Variants in LCN10 observed in about 807,000 individuals in gnomAD.
The protein encoded by LCN10 is lipocalin 10.
LCN10 carries 18 observed loss-of-function variants against 25.1 expected under a neutral mutation model. The ratio of observed to expected loss-of-function variants is 0.72; its 90% CI spans 0.50 to 1.06. The LOEUF is 1.06. LCN10 is among the 50% of genes least tolerant of loss of function. The pLI is 0.00. For missense variants in LCN10, 257 were observed against 258.9 expected, an observed-to-expected ratio of 0.99 and a Z score of 0.05; for synonymous variants, 130 against 116.7, an observed-to-expected ratio of 1.11 and a Z score of -0.73.
Position 136,741,264 on chromosome 9 carries a change from C to G in LCN10, c.355G>C (p.Gly119Arg). 6.2e-7 allele frequency: 1 copy of G among 1,613,474 alleles called. No homozygotes were observed. Among genetic ancestry groups the G allele is most frequent in the South Asian group, 1.1e-5 (1 of 91,074 alleles). ...ACAYAAGPRE[G>R]QEGVKGVKAF... ...AGCCCAAGCACACCTCCCTCCTGTC[C>G]TTCCCTCGGGCCCGCCGCGTATGCA... The change falls in exon 3 of 6, where the codon GGA (glycine) becomes CGA (arginine). Residue 119 changes from glycine (G) to arginine (R), a missense_variant. Gly to Arg is a moderately radical substitution (Grantham distance 125). Transcript: ENST00000497771.
chr9:136,741,001 C>A, intron 3 of LCN10, 58 bp from the exon 4 acceptor site: 5 of 1,446,998 alleles, frequency 3.5e-6, no homozygotes, highest in Non-Finnish European at 4.8e-6. Flanking sequence ...TGTGCCCGCC[C>A]ACAGCCCTGA....
At chr9:136,741,751 G>GA (rs1846940463) in intron 2 of LCN10, 130 bp downstream of exon 2, 2 of 1,273,044 alleles carry the variant, frequency 1.6e-6, no homozygotes, top group Admixed American at 5.3e-5. Context: ...AGTTTAGGGG[G>GA]AGGAAGTGGG....
In LCN10 at chr9:136,740,872, G is replaced by A. The variant is rs987408653; in HGVS notation, c.439C>T (p.Arg147Cys). Residue 147 changes from arginine to cysteine, a missense_variant, in exon 4 of 6, where the codon CGT becomes TGT. Arg to Cys is a radical substitution (Grantham distance 180). Coordinates refer to ENST00000497771, the MANE Select transcript of LCN10 (RefSeq NM_001001712.3). The surrounding 1 kb of genome is among the most constrained non-coding windows in gnomAD (Gnocchi z 5.3). ...AGGTTCTTGTAGTTTTGGGTTGCACGCCCCAGGCGGAGGTAGACCAAGCCG... is the reference window on the plus strand; with the variant it reads ...AGGTTCTTGTAGTTTTGGGTTGCACACCCCAGGCGGAGGTAGACCAAGCCG... ...SYGLVYLRLG[R>C]ATQNYKNLLL... The A allele has an allele frequency of 8.1e-6, 13 of 1,613,396 alleles. No homozygotes were observed. The highest frequency in any genetic ancestry group is 2.2e-5 in the East Asian group (1 of 44,898).
In LCN10 at chr9:136,742,153, C is replaced by T. The variant is rs575303937; in HGVS notation, c.118-133G>A. On this transcript the variant is annotated intron_variant, in intron 1 of 5. Coordinates refer to ENST00000497771, the MANE Select transcript of LCN10 (RefSeq NM_001001712.3). Reference sequence around the variant, plus strand: ...CGGAGTCCCAGCTCCGCCCAGGTGCCGCCTCGGTCCCGGCCACTCAAGCCC... The same window carrying T: ...CGGAGTCCCAGCTCCGCCCAGGTGCTGCCTCGGTCCCGGCCACTCAAGCCC... The T allele has an allele frequency of 1.7e-4, 194 of 1,166,950 alleles. 1 individual carries two copies. The South Asian group carries it at 1.8e-3, about 11-fold the overall frequency. 72.3% of individuals were successfully genotyped at this position (1,166,950 alleles called of 1,614,324 possible).
At chr9:136,742,158 C>G in intron 1 of LCN10, 138 bp from the exon 2 acceptor site, 4 of 1,100,848 alleles carry the variant, frequency 3.6e-6, no homozygotes, top group Non-Finnish European at 5.1e-6. Context: ...GGTGCCGCCT[C>G]GGTCCCGGCC....
Position 136,741,938 on chromosome 9 carries a change from G to A in LCN10, c.200C>T (p.Ala67Val), listed in dbSNP as rs772048259. 8.1e-6 allele frequency: 13 copies of A among 1,611,406 alleles called. No homozygotes were observed. In the East Asian group the frequency reaches 8.9e-5, roughly 11 times the overall value. Residue 67 changes from alanine to valine, a missense_variant, in exon 2 of 6, where the codon GCG becomes GTG. Transcript: ENST00000497771. The stretch of plus-strand genomic sequence containing the variant: ...CACTTTGTTCACCTTTACCACGGAC[G>A]CCCCCAGCTTCCTCTTGTCCCTGGC... ...LPARDKRKLGASVVKVNKVGQ... is the reference protein window; with the variant it reads ...LPARDKRKLGVSVVKVNKVGQ...
intron 2 of LCN10, 165 bp downstream of exon 2, chr9:136,741,716 C>T: frequency 1.0e-6 from 1 of 981,940 alleles, no homozygotes; most frequent in South Asian, 1.7e-5. Flanking sequence ...TGTGGGGTCC[C>T]AGGGGCTGCA....
At chr9:136,742,215 C>T (rs1345639105) in intron 1 of LCN10, 195 bp from the exon 2 acceptor site, 12 of 669,568 alleles carry the variant, frequency 1.8e-5, no homozygotes, top group East Asian at 5.7e-5. Flanking sequence ...AGCAGGTGCC[C>T]GGCTGGTCAG....
chr9:136,741,868 G>C lies in LCN10; in HGVS notation c.257+13C>G, dbSNP rs748271493. On this transcript the variant is annotated intron_variant, in intron 2 of 5. Coordinates refer to ENST00000497771, the MANE Select transcript of LCN10 (RefSeq NM_001001712.3). ...AAGGGGAGACCCTTGCCTGGGGGGC[G>C]CTGCCCACTCACCGTCTGAAGGCGA... 2 of 1,595,264 alleles carry C rather than the reference G, an allele frequency of 1.3e-6. No individual in the cohort carries two copies. Among genetic ancestry groups the C allele is most frequent in the South Asian group, 2.3e-5 (2 of 87,894 alleles).
Position 136,739,348 on chromosome 9 carries a change from C to T in LCN10, c.*177G>A, listed in dbSNP as rs1846884286. The T allele has an allele frequency of 3.0e-6, 2 of 656,216 alleles. No homozygotes were observed. The highest frequency in any genetic ancestry group is 1.8e-5 in the South Asian group (1 of 55,030). 40.6% of individuals were successfully genotyped at this position (656,216 alleles called of 1,614,324 possible). A position where few individuals can be genotyped will look rare whatever the true frequency, so the allele number is the denominator to read the frequency against. On this transcript the variant is annotated 3_prime_UTR_variant, in exon 6 of 6. Coordinates refer to ENST00000497771, the MANE Select transcript of LCN10 (RefSeq NM_001001712.3). This position sits in a 1 kb window ranked among gnomAD's most constrained non-coding sequence, Gnocchi z 6.1. ...ACCCGGTCAGCCTGTATCCTCCTTC[C>T]CCCATCTTTCTGTGATCATAAAGGA...
In LCN10 at chr9:136,738,371, T is replaced by C. The variant is rs1332092564; in HGVS notation, c.*1154A>G. On this transcript the variant is annotated 3_prime_UTR_variant, in exon 6 of 6. Coordinates refer to ENST00000497771, the MANE Select transcript of LCN10 (RefSeq NM_001001712.3). Reference sequence around the variant, plus strand: ...TAAGCTTCAGGAGGAGTCATGAATATTCATGAAAGGAGAAGCGTGTACTGG... The same window carrying C: ...TAAGCTTCAGGAGGAGTCATGAATACTCATGAAAGGAGAAGCGTGTACTGG... The C allele has an allele frequency of 6.6e-6, 1 of 152,122 alleles. No individual in the cohort carries two copies. The highest frequency in any genetic ancestry group is 2.4e-5 in the African/African-American group (1 of 41,418). 9.4% of individuals were successfully genotyped at this position (152,122 alleles called of 1,614,324 possible).
chr9:136,741,852 C>A (rs370750090), intron 2 of LCN10, 29 bp downstream of exon 2: 5 of 1,582,050 alleles, frequency 3.2e-6, no homozygotes, highest in Non-Finnish European at 4.3e-6. Flanking sequence ...GAAGGGGAGA[C>A]CCTTGCCTGG....
At position 136,740,268 on chromosome 9, in the gene LCN10, C is replaced by A. The variant is rs1299370805; in HGVS notation, c.476-220G>T. ...GGTCACCACGCTGTCACCTGGGGAA[C>A]CCTCTCTGCCTGCAGAGTCCCCTCC... On this transcript the variant is annotated intron_variant, in intron 4 of 5. Transcript: ENST00000497771. The surrounding 1 kb of genome is among the most constrained non-coding windows in gnomAD (Gnocchi z 5.3). The A allele has an allele frequency of 3.5e-6, 2 of 578,476 alleles. No individual in the cohort carries two copies. The highest frequency in any genetic ancestry group is 5.6e-5 in the Admixed American group (2 of 35,966). The allele number at this position is 578,476 out of a possible 1,614,324, so 35.8% of individuals were successfully genotyped here.
At position 136,740,002 on chromosome 9, in the gene LCN10, G is replaced by A. The variant is rs371640416; in HGVS notation, c.522C>T (p.Asp174=). 1.7e-5 allele frequency: 27 copies of A among 1,590,874 alleles called. 1 individual carries two copies. The highest frequency in any genetic ancestry group is 3.5e-5 in the Admixed American group (2 of 56,660). ...TGGAGAGCCCCAGAATGTCACAAGC[G>A]TCCATGAATTCCTTCAGACTCTGGA... ...SSFQSLKEFM[D]ACDILGLSKA... is the part of the protein sequence containing the mutation. Residue 174 remains aspartate (D), a synonymous_variant, in exon 5 of 6, where the codon GAC becomes GAT. Transcript: ENST00000497771. This position sits in a 1 kb window ranked among gnomAD's most constrained non-coding sequence, Gnocchi z 5.3.
chr9:136,742,164 C>G, intron 1 of LCN10, 144 bp from the exon 2 acceptor site: 3 of 1,052,460 alleles, frequency 2.9e-6, no homozygotes, highest in South Asian at 3.2e-5. Context: ...GCCTCGGTCC[C>G]GGCCACTCAA....
Position 136,742,868 on chromosome 9 carries a change from C to A in LCN10, c.36G>T (p.Leu12=). The A allele has an allele frequency of 6.2e-7, 1 of 1,613,548 alleles. No individual in the cohort carries two copies. Among genetic ancestry groups the A allele is most frequent in the Non-Finnish European group, 8.5e-7 (1 of 1,179,762 alleles). The stretch of plus-strand genomic sequence containing the variant: ...CTGCAGCCAGCACTAGCACCAGCAC[C>A]AGCACCAGCGCCAGCACCAGCAGCC... ...RQGLLVLALV[L]VLVLVLAAGS... The change falls in exon 1 of 6, where the codon CTG becomes CTT. Residue 12 remains leucine, a synonymous_variant. Transcript: ENST00000497771.
Position 136,741,891 on chromosome 9 carries a change from C to G in LCN10, c.247G>C (p.Ala83Pro), listed in dbSNP as rs149777062. The G allele has an allele frequency of 6.2e-6, 10 of 1,606,074 alleles. No individual in the cohort carries two copies. Among genetic ancestry groups the G allele is most frequent in the Admixed American group, 3.4e-5 (2 of 59,104 alleles). ...NKVGQLRVLL[A>P]FRRLKGCQSQ... The stretch of plus-strand genomic sequence containing the variant: ...GCGCTGCCCACTCACCGTCTGAAGG[C>G]GAGGAGCACGCGGAGCTGGCCCACT... Residue 83 changes from alanine to proline, a missense_variant, in exon 2 of 6, where the codon GCC (alanine) becomes CCC (proline). By Grantham distance (27) the Ala-to-Pro change is conservative (BLOSUM62 -1). Coordinates refer to ENST00000497771, the MANE Select transcript of LCN10 (RefSeq NM_001001712.3).
chr9:136,739,757 C>G lies in LCN10; in HGVS notation c.574+193G>C. On this transcript the variant is annotated intron_variant, in intron 5 of 5. Coordinates refer to ENST00000497771, the MANE Select transcript of LCN10 (RefSeq NM_001001712.3). The surrounding 1 kb of genome is among the most constrained non-coding windows in gnomAD (Gnocchi z 6.1). ...CAGCATCTGCTCCGGACGCCTCTCG[C>G]TGTCGGTGCCAGGCCTGCCAGGCCA... The G allele has an allele frequency of 1.4e-6, 1 of 737,556 alleles. No homozygotes were observed. Among genetic ancestry groups the G allele is most frequent in the South Asian group, 1.7e-5 (1 of 59,446 alleles). 45.7% of individuals were successfully genotyped at this position (737,556 alleles called of 1,614,324 possible).
intron 2 of LCN10, 106 bp downstream of exon 2, chr9:136,741,775 T>C: frequency 5.0e-6 from 7 of 1,410,490 alleles, no homozygotes; most frequent in Non-Finnish European, 5.6e-6. Flanking sequence ...ACGGTTCTTG[T>C]GGAACTTCCA....
Sources: allele counts gnomAD v4.1 joint callset, GRCh38; gene constraint gnomAD v4.1.1; non-coding constraint Gnocchi (gnomAD v3.1); transcripts MANE v1.5; gene names NCBI Gene and HGNC (gene_info 2026-07-23, HGNC 2026-07-21).